Variants in EFHC1 observed in about 807,000 individuals in gnomAD.
EFHC1 encodes the protein EF-hand domain-containing protein 1.
EFHC1 carries 53 observed loss-of-function variants against 69.9 expected under a neutral mutation model. The ratio of observed to expected loss-of-function variants is 0.76; its 90% CI spans 0.61 to 0.95. The LOEUF (loss-of-function observed/expected upper bound fraction) is 0.95. EFHC1 is among the 40% of genes least tolerant of loss of function. The pLI, the probability that EFHC1 is intolerant of heterozygous loss-of-function variation, is 0.00. For missense variants in EFHC1, 739 were observed against 798.7 expected (o/e 0.93, Z 0.90); for synonymous variants, 256 against 278.4 (o/e 0.92, Z 0.80).
intron 9 of EFHC1, chr6:52,482,563 C>CGTCT (rs1765703927): frequency 5.4e-6 from 2 of 367,920 alleles, no homozygotes; most frequent in South Asian, 3.0e-4. Flanking sequence ...GCAGACTGAA[C>CGTCT]GTCTGTTCTG....
intron 2 of EFHC1, 28 bp from the exon 3 acceptor site, chr6:52,438,276 C>A: frequency 6.2e-7 from 1 of 1,603,258 alleles, no homozygotes. Flanking sequence ...TAATAGTACA[C>A]CATTTCTCCT....
In EFHC1 at chr6:52,438,509, A is replaced by G. The variant is rs766487516; in HGVS notation, c.491A>G (p.His164Arg). 1.9e-6 allele frequency: 3 copies of G among 1,614,016 alleles called. No individual in the cohort carries two copies. Among genetic ancestry groups the G allele is most frequent in the Non-Finnish European group, 2.5e-6 (3 of 1,179,992 alleles). ...AAGAATGACCGGGGTGACCATTACC[A>G]TTGGAAAGACCTAAATCGAGGAATA... ...LAKNDRGDHY[H>R]WKDLNRGINI... The change falls in exon 3 of 11, where the codon CAT becomes CGT. Residue 164 changes from histidine (H) to arginine (R), a missense_variant. His to Arg is a conservative substitution (Grantham distance 29). Transcript: ENST00000371068.
At position 52,492,654 on chromosome 6, in the gene EFHC1, A is replaced by T. The variant is rs1765934328; in HGVS notation, c.*313A>T. 1 of 471,520 alleles carries T rather than the reference A, an allele frequency of 2.1e-6. No homozygotes were observed. The highest frequency in any genetic ancestry group is 4.2e-6 in the Non-Finnish European group (1 of 239,954). The allele number at this position is 471,520 out of a possible 1,614,324, so 29.2% of individuals were successfully genotyped here. ...TTTAGAGATGGGATCTCACTCTGTCATACAGGCTGGAGTGTGGTGGCACTA... is the reference window on the plus strand; with the variant it reads ...TTTAGAGATGGGATCTCACTCTGTCTTACAGGCTGGAGTGTGGTGGCACTA... On this transcript the variant is annotated 3_prime_UTR_variant, in exon 11 of 11. Transcript: ENST00000371068.
intron 7 of EFHC1, 94 bp downstream of exon 7, chr6:52,469,567 C>T: frequency 6.4e-7 from 1 of 1,565,192 alleles, no homozygotes; most frequent in Non-Finnish European, 8.7e-7. Flanking sequence ...TAACAGCTGT[C>T]AGAGTTATGT....
At chr6:52,480,738 G>A (rs956454089) in intron 9 of EFHC1, among the ~76,000 whole-genome samples, 6 of 152,258 alleles carry the variant, frequency 3.9e-5, no homozygotes, top group Admixed American at 2.6e-4. Context: ...AGAGGAAATA[G>A]CGCATGCAAA....
intron 2 of EFHC1, among the ~76,000 whole-genome samples, chr6:52,436,197 T>C (rs1219678482): frequency 6.6e-6 from 1 of 152,258 alleles, no homozygotes; most frequent in Non-Finnish European, 1.5e-5. Flanking sequence ...TTCAACATTA[T>C]CTGTCCTTTG....
chr6:52,459,896 G>C (rs988004303), intron 5 of EFHC1, among the ~76,000 whole-genome samples: 2 of 152,094 alleles, frequency 1.3e-5, no homozygotes, highest in Non-Finnish European at 2.9e-5. Flanking sequence ...GGATGGTCTC[G>C]ATCTCCTGAC....
At chr6:52,457,606 A>G (rs561438247) in intron 5 of EFHC1, among the ~76,000 whole-genome samples, 29 of 152,330 alleles carry the variant, frequency 1.9e-4, no homozygotes, top group South Asian at 4.1e-4. Context: ...AGAAATTCAG[A>G]AAGTTATTTC....
At chr6:52,476,896 A>G (rs1407048660) in intron 7 of EFHC1, among the ~76,000 whole-genome samples, 2 of 152,194 alleles carry the variant, frequency 1.3e-5, no homozygotes, top group Non-Finnish European at 2.9e-5. Context: ...TTTATTTACT[A>G]ATATTGTACT....
At chr6:52,466,349 T>G (rs79123956) in intron 6 of EFHC1, among the ~76,000 whole-genome samples, 6,511 of 152,276 alleles carry the variant, frequency 0.043, 186 homozygotes, top group South Asian at 0.093. Flanking sequence ...GCATCTTGTT[T>G]TACTCCCAGG....
intron 3 of EFHC1, 90 bp from the exon 4 acceptor site, chr6:52,452,598 G>A (rs1171245950): frequency 1.4e-6 from 2 of 1,475,010 alleles, no homozygotes; most frequent in African/African-American, 1.4e-5. Flanking sequence ...CACAGTGCCT[G>A]GCCCATACAC....
intron 10 of EFHC1, among the ~76,000 whole-genome samples, chr6:52,492,046 A>G (rs951352913): frequency 6.6e-6 from 1 of 152,184 alleles, no homozygotes; most frequent in Non-Finnish European, 1.5e-5. Flanking sequence ...TCAACAGGGA[A>G]GGTCATTTAC....
chr6:52,460,734 A>G (rs544256473), intron 5 of EFHC1, among the ~76,000 whole-genome samples: 2 of 152,338 alleles, frequency 1.3e-5, no homozygotes, highest in African/African-American at 4.8e-5. Context: ...TGAGAAAAAA[A>G]TAAGAGTTTA....
At chr6:52,433,538 G>C (rs535442951) in intron 2 of EFHC1, among the ~76,000 whole-genome samples, 246 of 152,334 alleles carry the variant, frequency 1.6e-3, no homozygotes, top group Non-Finnish European at 2.8e-3. Context: ...CCGTCTGTGG[G>C]TCTCTCAGCC....
rs1397726094 is a variant in EFHC1, at chr6:52,494,086, A to G, written c.*1745A>G. ...GTCGCTCATAACTATTTAAAACAGT[A>G]TCTCTTTCAAGTACAGATGCTCCTC... On this transcript the variant is annotated 3_prime_UTR_variant, in exon 11 of 11. Transcript: ENST00000371068. 2 of 335,752 alleles carry G rather than the reference A, an allele frequency of 6.0e-6. No homozygotes were observed. Among genetic ancestry groups the G allele is most frequent in the Non-Finnish European group, 1.2e-5 (2 of 173,740 alleles). The allele number at this position is 335,752 out of a possible 1,614,324, so 20.8% of individuals were successfully genotyped here.
chr6:52,490,386 G>A (rs757413461), intron 10 of EFHC1, 36 bp downstream of exon 10: 2 of 1,565,414 alleles, frequency 1.3e-6, no homozygotes, highest in Non-Finnish European at 1.8e-6. Context: ...TCATTGCAGA[G>A]GCTAGGCACT....
intron 5 of EFHC1, among the ~76,000 whole-genome samples, chr6:52,458,986 C>T (rs537040116): frequency 5.9e-5 from 9 of 152,210 alleles, no homozygotes; most frequent in Admixed American, 1.3e-4. Flanking sequence ...GGCCATTATA[C>T]TAAGTGAATT....
At chr6:52,465,610 C>T (rs1455008990) in intron 6 of EFHC1, among the ~76,000 whole-genome samples, 2 of 151,792 alleles carry the variant, frequency 1.3e-5, no homozygotes, top group African/African-American at 4.8e-5. Context: ...AGTTCTAGAC[C>T]AGCCTGGCCA....
intron 3 of EFHC1, among the ~76,000 whole-genome samples, chr6:52,443,468 G>A (rs1420157384): frequency 6.6e-6 from 1 of 152,148 alleles, no homozygotes; most frequent in Non-Finnish European, 1.5e-5. Flanking sequence ...TTTTGTATAA[G>A]GTGTAAGGAA....
Sources: gnomAD v4.1 joint callset for allele counts (sites outside exome capture counted in the v4.1 genomes callset) on GRCh38, gnomAD v4.1.1 for gene constraint, MANE v1.5 for transcripts, NCBI Gene and HGNC (gene_info 2026-07-23, HGNC 2026-07-21) for gene names.